Variants in ST3GAL3 observed in about 807,000 individuals in gnomAD.
The protein encoded by ST3GAL3 is ST3 beta-galactoside alpha-2,3-sialyltransferase 3, also known as CMP-N-acetylneuraminate-beta-1,4-galactoside alpha-2,3-sialyltransferase.
A neutral mutation model predicts 50.1 loss-of-function variants in ST3GAL3; 21 were observed. The observed-to-expected ratio is 0.42, with a 90% confidence interval of 0.30 to 0.60. The LOEUF is 0.60. Ranked by LOEUF, ST3GAL3 falls within the 20% of genes least tolerant of loss-of-function variation. The pLI, the probability that ST3GAL3 is intolerant of heterozygous loss-of-function variation, is 0.19. For synonymous variants in ST3GAL3, 183 were observed against 190.0 expected (o/e 0.96, Z 0.30); for missense variants, 353 against 489.4 (o/e 0.72, Z 2.63).
intron 1 of ST3GAL3, among the ~76,000 whole-genome samples, chr1:43,724,575 C>T (rs973953773): frequency 6.6e-6 from 1 of 152,118 alleles, no homozygotes; most frequent in African/African-American, 2.4e-5. Context: ...AGTGATTTAA[C>T]AGACCTAAGT....
In ST3GAL3 at chr1:43,928,996, TC is replaced by T. The variant is rs555673365; in HGVS notation, c.1039-1135del. ...ACAGAGAGGTCACTTGGGGACAAAC[TC>T]TGATAAGGCTGCTGTCATTCAGCCC... On this transcript the variant is annotated intron_variant, in intron 11 of 11. Transcript: ENST00000347631. Among the ~76,000 whole-genome samples the T allele has an allele frequency of 3.0e-3, 456 of 152,312 alleles. 2 individuals are homozygous for T. Among genetic ancestry groups the T allele is most frequent in the African/African-American group, 0.011 (438 of 41,566 alleles).
In ST3GAL3 at chr1:43,899,066, G is replaced by A; in HGVS notation, c.462-102G>A. 1 of 1,539,302 alleles carries A rather than the reference G, an allele frequency of 6.5e-7. No homozygotes were observed. ...CCATTGGTCTTCTTCCTCTATCCCA[G>A]CCTGGTCCTGGACAAGGGCGTGGGG... On this transcript the variant is annotated intron_variant, in intron 7 of 11. Coordinates refer to ENST00000347631, the MANE Select transcript of ST3GAL3 (RefSeq NM_006279.5). The surrounding 1 kb of genome is among the most constrained non-coding windows in gnomAD (Gnocchi z 5.4).
intron 6 of ST3GAL3, 104 bp from the exon 7 acceptor site, chr1:43,898,131 C>T: frequency 1.6e-6 from 2 of 1,251,548 alleles, no homozygotes; most frequent in Non-Finnish European, 2.3e-6. Context: ...CTTCCACTTT[C>T]ACTCTAGCCC....
At chr1:43,906,186 TCCC>T (rs200438389) in intron 9 of ST3GAL3, among the ~76,000 whole-genome samples, 2 of 84,510 alleles carry the variant, frequency 2.4e-5, no homozygotes, top group Admixed American at 1.4e-4. Context: ...CCACTCTTCC[TCCC>T]CCTCCTCCTG....
intron 1 of ST3GAL3, among the ~76,000 whole-genome samples, chr1:43,708,604 A>G (rs545362345): frequency 3.8e-4 from 58 of 152,372 alleles, no homozygotes; most frequent in African/African-American, 1.3e-3. Context: ...TGTACTTTCA[A>G]GTCAACAGAG....
At chr1:43,812,879 G>GCA (rs2154174885) in intron 3 of ST3GAL3, among the ~76,000 whole-genome samples, 1 of 82,448 alleles carries the variant, frequency 1.2e-5, no homozygotes, top group Non-Finnish European at 3.5e-5. Flanking sequence ...GTGTGTGCGT[G>GCA]TGTGTGTGTG....
At chr1:43,804,318 A>G (rs1313953760) in intron 3 of ST3GAL3, among the ~76,000 whole-genome samples, 3 of 152,226 alleles carry the variant, frequency 2.0e-5, no homozygotes, top group Admixed American at 6.5e-5. Context: ...TTCCTGGAGT[A>G]TAATGCCTAT....
At chr1:43,894,035 G>T in intron 5 of ST3GAL3, 1 of 358,638 alleles carries the variant, frequency 2.8e-6, no homozygotes, top group East Asian at 6.7e-5. Flanking sequence ...TTCCCAGATT[G>T]CAGGAACAGT....
intron 11 of ST3GAL3, among the ~76,000 whole-genome samples, chr1:43,925,649 C>T (rs1385662336): frequency 6.6e-6 from 1 of 152,226 alleles, no homozygotes; most frequent in African/African-American, 2.4e-5. Context: ...CTCCTCACTT[C>T]ACCTGCATTT....
chr1:43,792,244 A>T, intron 3 of ST3GAL3, 95 bp downstream of exon 3: 1 of 1,496,584 alleles, frequency 6.7e-7, no homozygotes, highest in Non-Finnish European at 9.3e-7. Context: ...TGGGGAGGGC[A>T]GTGGAATATC....
chr1:43,928,933 A>G (rs954720603), intron 11 of ST3GAL3, among the ~76,000 whole-genome samples: 1 of 152,220 alleles, frequency 6.6e-6, no homozygotes, highest in African/African-American at 2.4e-5. Flanking sequence ...TAGATAAAAA[A>G]TAAACAGTTA....
chr1:43,758,942 G>T (rs1472355098), intron 2 of ST3GAL3, among the ~76,000 whole-genome samples: 1 of 150,776 alleles, frequency 6.6e-6, no homozygotes. Context: ...TCAGGAGGAG[G>T]CTGAGGTAAG....
intron 2 of ST3GAL3, 168 bp downstream of exon 2, chr1:43,736,548 G>A (rs1329231966): frequency 1.7e-6 from 2 of 1,192,832 alleles, no homozygotes; most frequent in Admixed American, 1.9e-5. Flanking sequence ...GGTATAGGCT[G>A]AGAACTTTGA....
intron 5 of ST3GAL3, chr1:43,894,059 A>T (rs2077015876): frequency 2.5e-6 from 1 of 392,914 alleles, no homozygotes; most frequent in South Asian, 2.2e-5. Context: ...GGCAGCAGTG[A>T]CTATTTGATG....
At chr1:43,741,655 GAGGTACTCTGCTTCCCATGGTAAGGA>G (rs1680978012) in intron 2 of ST3GAL3, among the ~76,000 whole-genome samples, 3 of 152,150 alleles carry the variant, frequency 2.0e-5, no homozygotes, top group Admixed American at 1.3e-4. Flanking sequence ...CTGGCTTAGG[GAGGTACTCTGCTTCCCATGGTAAGGA>G]AGTAAGTGGT....
chr1:43,875,713 A>T (rs2073927335), intron 5 of ST3GAL3, among the ~76,000 whole-genome samples: 1 of 152,064 alleles, frequency 6.6e-6, no homozygotes, highest in Non-Finnish European at 1.5e-5. Flanking sequence ...AGGCCTCCCC[A>T]GCCATGCAGA....
intron 2 of ST3GAL3, among the ~76,000 whole-genome samples, chr1:43,782,392 A>T (rs1699649353): frequency 6.6e-6 from 1 of 152,188 alleles, no homozygotes; most frequent in Non-Finnish European, 1.5e-5. Flanking sequence ...TCTGTCTTAC[A>T]CACTGCCGCT....
rs1679145786 is a variant in ST3GAL3, at chr1:43,737,837, AT to A, written c.118+1459del. 2 of 152,242 alleles carry A rather than the reference AT, an allele frequency of 1.3e-5. No homozygotes were observed. Among genetic ancestry groups the A allele is most frequent in the African/African-American group, 4.8e-5 (2 of 41,472 alleles). 9.4% of individuals were successfully genotyped at this position (152,242 alleles called of 1,614,324 possible). ...TTTTCCTAGATCAGTAGGGAAGGGA[AT>A]TAACTTTATGGAAGACTCATTGTGT... On this transcript the variant is annotated intron_variant, in intron 2 of 11. Coordinates refer to ENST00000347631, the MANE Select transcript of ST3GAL3 (RefSeq NM_006279.5). This position sits in a 1 kb window ranked among gnomAD's most constrained non-coding sequence, Gnocchi z 4.0.
Position 43,920,518 on chromosome 1 carries a change from C to T in ST3GAL3, c.859C>T (p.Leu287=). 1 of 1,614,200 alleles carries T rather than the reference C, an allele frequency of 6.2e-7. No homozygotes were observed. The highest frequency in any genetic ancestry group is 1.1e-5 in the South Asian group (1 of 91,092). ...GGAGGCCGCCTTCACCCTCATTGGC[C>T]TGCCCTTCAACAATGGCCTCATGGG... ...IQEAAFTLIG[L]PFNNGLMGRG... The change falls in exon 10 of 12, where the codon CTG becomes TTG. Residue 287 remains leucine (L), a synonymous_variant. Transcript: ENST00000347631.
Sources: gnomAD v4.1 joint callset for allele counts (sites outside exome capture counted in the v4.1 genomes callset) on GRCh38, gnomAD v4.1.1 for gene constraint, Gnocchi (gnomAD v3.1) non-coding constraint, MANE v1.5 for transcripts, NCBI Gene and HGNC (gene_info 2026-07-23, HGNC 2026-07-21) for gene names.